Variants in SLC51A observed in about 807,000 individuals in gnomAD.
The protein encoded by SLC51A is solute carrier family 51 member A.
SLC51A carries 22 observed loss-of-function variants against 34.8 expected under a neutral mutation model. That is an observed-to-expected ratio of 0.63 (90% CI 0.45 to 0.90). The LOEUF (loss-of-function observed/expected upper bound fraction) is 0.90, where lower values mean the gene tolerates loss of function less well. SLC51A is among the 40% of genes least tolerant of loss of function. The probability of loss-of-function intolerance (pLI) is 0.00; values close to 1 mark genes in which losing one functional copy is unlikely to be tolerated. For synonymous variants in SLC51A, 181 were observed against 176.3 expected (o/e 1.03, Z -0.21); for missense variants, 371 against 414.8 (o/e 0.89, Z 0.92).
chr3:196,217,556 A>G (rs182482018), intron 1 of SLC51A, among the ~76,000 whole-genome samples: 4,599 of 142,060 alleles, frequency 0.032, 204 homozygotes, highest in African/African-American at 0.091. Context: ...AGAAAAAAAA[A>G]GAAAGAAAAA....
chr3:196,216,765 C>T lies in SLC51A; in HGVS notation c.38+15C>T, dbSNP rs368639387. ...CTTGACCCCAGGTAAGTGAGGGCGG[C>T]GGGCCCTGGGCCAGTCGCTGGGCAG... On this transcript the variant is annotated intron_variant, in intron 1 of 8. Transcript: ENST00000296327. This position sits in a 1 kb window ranked among gnomAD's most constrained non-coding sequence, Gnocchi z 4.5. 2.1e-5 allele frequency: 33 copies of T among 1,568,106 alleles called. No homozygotes were observed. Among genetic ancestry groups the T allele is most frequent in the Middle Eastern group, 1.7e-4 (1 of 6,006 alleles).
chr3:196,223,600 C>A (rs532349110), intron 2 of SLC51A, among the ~76,000 whole-genome samples: 4 of 151,748 alleles, frequency 2.6e-5, no homozygotes, highest in African/African-American at 9.6e-5. Flanking sequence ...CTAGCAATGG[C>A]CCCCGCTTCC....
intron 2 of SLC51A, chr3:196,224,012 C>T (rs1423495618): frequency 3.4e-6 from 1 of 292,480 alleles, no homozygotes; most frequent in Non-Finnish European, 6.7e-6. Context: ...GTACTCGCCA[C>T]CATGCCTGGC....
In SLC51A at chr3:196,232,825, T is replaced by G. The variant is rs552993172; in HGVS notation, c.887-238T>G. On this transcript the variant is annotated intron_variant, in intron 8 of 8. Coordinates refer to ENST00000296327, the MANE Select transcript of SLC51A (RefSeq NM_152672.6). ...TTAAAAAACAGAAGCCCATGTTGAT[T>G]GAACACACATAAGAAATGGACTGTA... The G allele has an allele frequency of 1.4e-5, 8 of 587,152 alleles. 1 individual carries two copies. In the South Asian group the frequency reaches 1.7e-4, roughly 12 times the overall value. The allele number at this position is 587,152 out of a possible 1,614,324, so 36.4% of individuals were successfully genotyped here.
chr3:196,226,247 G>A (rs752783810), intron 2 of SLC51A, among the ~76,000 whole-genome samples: 5 of 152,012 alleles, frequency 3.3e-5, no homozygotes, highest in Non-Finnish European at 7.4e-5. Flanking sequence ...GTTTGAACCC[G>A]GAAGGTCAAG....
intron 8 of SLC51A, 142 bp downstream of exon 8, chr3:196,232,666 A>T (rs1206383636): frequency 1.5e-6 from 1 of 659,982 alleles, no homozygotes; most frequent in Non-Finnish European, 2.7e-6. Flanking sequence ...ATCCCAACAG[A>T]GGCTTTAAGG....
At chr3:196,231,679 G>A (rs976312372) in intron 7 of SLC51A, among the ~76,000 whole-genome samples, 1 of 152,126 alleles carries the variant, frequency 6.6e-6, no homozygotes, top group African/African-American at 2.4e-5. Context: ...TGTGATGGCC[G>A]AGCCTGCCCA....
At position 196,216,618 on chromosome 3, in the gene SLC51A, C is replaced by G; in HGVS notation, c.-95C>G. ...CAATTCTGCTTGCCCCCCACCCCGG[C>G]CCAGGCAAGCCACCCTGCCCCCGGC... On this transcript the variant is annotated 5_prime_UTR_variant, in exon 1 of 9. Coordinates refer to ENST00000296327, the MANE Select transcript of SLC51A (RefSeq NM_152672.6). The surrounding 1 kb of genome is among the most constrained non-coding windows in gnomAD (Gnocchi z 4.5). The G allele has an allele frequency of 7.8e-7, 1 of 1,285,006 alleles. No homozygotes were observed. The highest frequency in any genetic ancestry group is 1.1e-6 in the Non-Finnish European group (1 of 911,610). The allele number at this position is 1,285,006 out of a possible 1,614,324, so 79.6% of individuals were successfully genotyped here.
rs1160880283 is a variant in SLC51A at position 196,233,391 on chromosome 3, A to C, written c.*192A>C. 1.6e-6 allele frequency: 1 copy of C among 617,720 alleles called. No homozygotes were observed. Among genetic ancestry groups the C allele is most frequent in the African/African-American group, 1.8e-5 (1 of 54,092 alleles). 38.3% of individuals were successfully genotyped at this position (617,720 alleles called of 1,614,324 possible). On this transcript the variant is annotated 3_prime_UTR_variant, in exon 9 of 9. Transcript: ENST00000296327. The stretch of plus-strand genomic sequence containing the variant: ...TTGGATCTTGCCTGGAAGGTGTTTT[A>C]AGTTTTGTAATAAACAAGATGATGT...
chr3:196,225,082 A>C (rs1240249540), intron 2 of SLC51A, among the ~76,000 whole-genome samples: 1 of 146,512 alleles, frequency 6.8e-6, no homozygotes, highest in Non-Finnish European at 1.5e-5. Context: ...GGCTCACTAC[A>C]GCCTTCACCT....
chr3:196,227,199 C>CGTCACTT, intron 3 of SLC51A, 80 bp downstream of exon 3: 3 of 1,380,540 alleles, frequency 2.2e-6, no homozygotes, highest in Non-Finnish European at 2.9e-6. Flanking sequence ...AAACTCAGCA[C>CGTCACTT]GTCACTTCGG....
In SLC51A at chr3:196,218,049, C is replaced by A; in HGVS notation, c.133+113C>A. 3.3e-6 allele frequency: 3 copies of A among 915,722 alleles called. 1 individual carries two copies. In the South Asian group the frequency reaches 4.3e-5, roughly 13 times the overall value. The allele number at this position is 915,722 out of a possible 1,614,324, so 56.7% of individuals were successfully genotyped here. On this transcript the variant is annotated intron_variant, in intron 2 of 8. Transcript: ENST00000296327. Reference sequence around the variant, plus strand: ...GCACCTGGGCAGCCGGGGAGAATAACTGGCCCGGTGTCTGTCATCGTGGTT... The same window carrying A: ...GCACCTGGGCAGCCGGGGAGAATAAATGGCCCGGTGTCTGTCATCGTGGTT...
intron 1 of SLC51A, among the ~76,000 whole-genome samples, 173 bp from the exon 2 acceptor site, chr3:196,217,665 GAGAA>G (rs1014180038): frequency 2.0e-5 from 3 of 151,622 alleles, no homozygotes; most frequent in African/African-American, 4.8e-5. Context: ...GGAAGGGAGA[GAGAA>G]AGAGAAAGAG....
In SLC51A at chr3:196,216,862, C is replaced by T; in HGVS notation, c.38+112C>T. 1 of 1,159,472 alleles carries T rather than the reference C, an allele frequency of 8.6e-7. No individual in the cohort carries two copies. Among genetic ancestry groups the T allele is most frequent in the South Asian group, 1.5e-5 (1 of 65,864 alleles). The allele number at this position is 1,159,472 out of a possible 1,614,324, so 71.8% of individuals were successfully genotyped here. A position where few individuals can be genotyped will look rare whatever the true frequency, so the allele number is the denominator to read the frequency against. ...TTTGGCGGCCGCACTCAGAATGAGA[C>T]AGGACTGGAAATGCTCTAGCTGTTC... is the stretch of plus-strand genomic sequence containing the variant. On this transcript the variant is annotated intron_variant, in intron 1 of 8. Transcript: ENST00000296327. This position sits in a 1 kb window ranked among gnomAD's most constrained non-coding sequence, Gnocchi z 4.5.
chr3:196,232,574 G>A lies in SLC51A; in HGVS notation c.886+50G>A, dbSNP rs779517669. 3.0e-5 allele frequency: 45 copies of A among 1,484,048 alleles called. No homozygotes were observed. In the South Asian group the frequency reaches 4.4e-4, roughly 15 times the overall value. The allele number at this position is 1,484,048 out of a possible 1,614,324, so 91.9% of individuals were successfully genotyped here. A position where few individuals can be genotyped will look rare whatever the true frequency, so the allele number is the denominator to read the frequency against. ...CATCGTGGGATGGATGAGACGGGGA[G>A]AGTCAGGAAAGAAGGGGCCCCAGAA... is the stretch of plus-strand genomic sequence containing the variant. On this transcript the variant is annotated intron_variant, in intron 8 of 8. Coordinates refer to ENST00000296327, the MANE Select transcript of SLC51A (RefSeq NM_152672.6).
chr3:196,233,271 T>A lies in SLC51A; in HGVS notation c.*72T>A. ...AAGATTCCTTTACTGTCCCTCAACCTTGACCAAATGGGAAGCATTCCCCCT... is the reference window on the plus strand; with the variant it reads ...AAGATTCCTTTACTGTCCCTCAACCATGACCAAATGGGAAGCATTCCCCCT... On this transcript the variant is annotated 3_prime_UTR_variant, in exon 9 of 9. Coordinates refer to ENST00000296327, the MANE Select transcript of SLC51A (RefSeq NM_152672.6). 6.5e-7 allele frequency: 1 copy of A among 1,531,002 alleles called. No individual in the cohort carries two copies. The highest frequency in any genetic ancestry group is 8.9e-7 in the Non-Finnish European group (1 of 1,128,336). 94.8% of individuals were successfully genotyped at this position (1,531,002 alleles called of 1,614,324 possible).
chr3:196,217,807 C>T lies in SLC51A; in HGVS notation c.39-35C>T, dbSNP rs201614329. ...TGCAACCCTCCCCCTTCCCCCAGCC[C>T]CCATGGTTCTGAGCACAGGCTGGTG... On this transcript the variant is annotated intron_variant, in intron 1 of 8. Coordinates refer to ENST00000296327, the MANE Select transcript of SLC51A (RefSeq NM_152672.6). 1.9e-6 allele frequency: 3 copies of T among 1,596,614 alleles called. No homozygotes were observed. The African/African-American group carries it at 4.0e-5, about 21-fold the overall frequency.
intron 1 of SLC51A, among the ~76,000 whole-genome samples, chr3:196,217,365 G>A (rs1276593311): frequency 6.6e-6 from 1 of 152,126 alleles, no homozygotes; most frequent in African/African-American, 2.4e-5. Context: ...GCGAAATCCT[G>A]TCTCTACCAA....
At chr3:196,219,578 G>C (rs1723691053) in intron 2 of SLC51A, among the ~76,000 whole-genome samples, 1 of 152,208 alleles carries the variant, frequency 6.6e-6, no homozygotes, top group Non-Finnish European at 1.5e-5. Flanking sequence ...GGAGATGCCT[G>C]GTGGCCACTC....
Sources: gnomAD v4.1 joint callset for allele counts (sites outside exome capture counted in the v4.1 genomes callset) on GRCh38, gnomAD v4.1.1 for gene constraint, Gnocchi (gnomAD v3.1) non-coding constraint, MANE v1.5 for transcripts, NCBI Gene and HGNC (gene_info 2026-07-23, HGNC 2026-07-21) for gene names.